Variants in ZNF473 observed in about 807,000 individuals in gnomAD.
ZNF473 encodes the protein zinc finger protein 473.
In ZNF473, 4 loss-of-function variants were observed where a neutral mutation model predicts 11.1. The observed-to-expected ratio is 0.36, with a 90% CI of 0.18 to 0.82. ZNF473 has a LOEUF of 0.82. Among genes scored for constraint, ZNF473 ranks in the 40% least tolerant of loss-of-function variants. ZNF473 has a pLI of 0.49. For synonymous variants in ZNF473, 404 were observed against 390.4 expected (o/e 1.03, Z -0.41); for missense variants, 854 against 1,084.0 (o/e 0.79, Z 2.98).
intron 3 of ZNF473, 135 bp from the exon 4 acceptor site, chr19:50,041,595 C>A: frequency 1.5e-6 from 1 of 683,826 alleles, no homozygotes; most frequent in Non-Finnish European, 2.4e-6. Context: ...TCGCCCAGTG[C>A]AGCACCTCGT....
chr19:50,045,722 G>C lies in ZNF473; in HGVS notation c.1279G>C (p.Gly427Arg), dbSNP rs777041627. The stretch of plus-strand genomic sequence containing the variant: ...AAAGATCCATCAGAGGGTTCACAGT[G>C]GAGAGAAGCCTTACAAATGCAGTGA... The part of the protein sequence containing the change: ...TLKIHQRVHS[G>R]EKPYKCSECG... Residue 427 changes from glycine to arginine, a missense_variant, in exon 5 of 5, where the codon GGA (glycine) becomes CGA (arginine). Gly to Arg is a moderately radical substitution (Grantham distance 125, BLOSUM62 -2). Transcript: ENST00000270617. The C allele has an allele frequency of 1.9e-6, 3 of 1,613,994 alleles. No individual in the cohort carries two copies. Among genetic ancestry groups the C allele is most frequent in the Non-Finnish European group, 2.5e-6 (3 of 1,180,020 alleles).
rs1474135281 is a variant in ZNF473, at chr19:50,046,314, A to C, written c.1871A>C (p.Gln624Pro). The part of the protein sequence containing the change: ...SRVRLYKWGE[Q>P]GKAISSASLI... ...GTGAGGCTGTATAAATGGGGTGAGC[A>C]AGGGAAAGCCATCAGCAGTGCCTCC... Residue 624 changes from glutamine (Q) to proline (P), a missense_variant, in exon 5 of 5, where the codon CAA becomes CCA. By Grantham distance (76) the Gln-to-Pro change is moderately conservative (BLOSUM62 -1). Around this residue, in one of 2 missense-constraint regions of ZNF473, gnomAD observed 668 missense variants for 790.2 expected, o/e 0.85. Transcript: ENST00000270617. The surrounding 1 kb of genome is among the most constrained non-coding windows in gnomAD (Gnocchi z 5.9). 6.2e-7 allele frequency: 1 copy of C among 1,614,076 alleles called. No homozygotes were observed. Among genetic ancestry groups the C allele is most frequent in the African/African-American group, 1.3e-5 (1 of 74,926 alleles).
At chr19:50,032,979 C>G (rs1465724317) in intron 2 of ZNF473, among the ~76,000 whole-genome samples, 1 of 152,186 alleles carries the variant, frequency 6.6e-6, no homozygotes, top group Non-Finnish European at 1.5e-5. Context: ...AGGACCCACC[C>G]TGATGACCTC....
chr19:50,034,002 TTGTG>T (rs1448806303), intron 2 of ZNF473, among the ~76,000 whole-genome samples: 8 of 152,184 alleles, frequency 5.3e-5, no homozygotes, highest in Non-Finnish European at 1.0e-4. Context: ...AGGGACATCT[TTGTG>T]TGGGGTGGCG....
Position 50,030,912 on chromosome 19 carries a change from G to A in ZNF473, c.-171G>A. 2.3e-6 allele frequency: 2 copies of A among 887,456 alleles called. No homozygotes were observed. The highest frequency in any genetic ancestry group is 1.8e-6 in the Non-Finnish European group (1 of 559,588). The allele number at this position is 887,456 out of a possible 1,614,324, so 55.0% of individuals were successfully genotyped here. ...TGCAGGGAGACTCACATTGGGACTT[G>A]TCCTCCTCCTCCTGGACATTTTGGG... On this transcript the variant is annotated 5_prime_UTR_variant, in exon 2 of 5. Transcript: ENST00000270617.
chr19:50,041,623 G>T (rs540382077), intron 3 of ZNF473, 107 bp from the exon 4 acceptor site: 2 of 953,014 alleles, frequency 2.1e-6, no homozygotes, highest in Non-Finnish European at 3.1e-6. Context: ...CAGGAGCCAC[G>T]TGCAGGATAA....
intron 2 of ZNF473, among the ~76,000 whole-genome samples, chr19:50,037,597 A>G (rs10402816): frequency 0.058 from 8,802 of 151,712 alleles, 857 homozygotes; most frequent in African/African-American, 0.2. Flanking sequence ...GGGGCAGGAG[A>G]ATCACTTGAG....
chr19:50,046,022 G>A lies in ZNF473; in HGVS notation c.1579G>A (p.Gly527Ser), dbSNP rs200000077. The A allele has an allele frequency of 6.4e-5, 104 of 1,614,018 alleles. No individual in the cohort carries two copies. Among genetic ancestry groups the A allele is most frequent in the Non-Finnish European group, 8.6e-5 (101 of 1,180,038 alleles). The change falls in exon 5 of 5, where the codon GGC (glycine) becomes AGC (serine). Residue 527 changes from glycine (G) to serine (S), a missense_variant. This residue lies in a region of ZNF473 where 668 missense variants were observed against 790.2 expected (regional missense o/e 0.85). Transcript: ENST00000270617. The surrounding 1 kb of genome is among the most constrained non-coding windows in gnomAD (Gnocchi z 5.9). ...CQECGERFIC[G>S]STLKCHESVH... is the part of the protein sequence containing the mutation. ...GGAGTGCGGAGAACGCTTCATTTGC[G>A]GCTCAACCCTGAAGTGCCACGAGAG...
At position 50,037,168 on chromosome 19, in the gene ZNF473, C is replaced by T. The variant is rs150076975; in HGVS notation, c.10-1993C>T. ...GAATTGCCCCTTTGTCGAGCTCTTC[C>T]TGTGTGCTAAGTACTATGCAGTCAC... On this transcript the variant is annotated intron_variant, in intron 2 of 4. Transcript: ENST00000270617. Among the ~76,000 whole-genome samples the T allele has an allele frequency of 4.0e-3, 615 of 152,296 alleles. 3 individuals carry two copies. The highest frequency in any genetic ancestry group is 0.013 in the African/African-American group (536 of 41,540).
chr19:50,038,797 C>A (rs979835927), intron 2 of ZNF473, among the ~76,000 whole-genome samples: 8 of 152,154 alleles, frequency 5.3e-5, no homozygotes, highest in African/African-American at 1.7e-4. Context: ...GTGATGAGTT[C>A]ATGGGTGTTA....
At position 50,039,412 on chromosome 19, in the gene ZNF473, C is replaced by G; in HGVS notation, c.136+125C>G. On this transcript the variant is annotated intron_variant, in intron 3 of 4. Coordinates refer to ENST00000270617, the MANE Select transcript of ZNF473 (RefSeq NM_015428.4). The surrounding 1 kb of genome is among the most constrained non-coding windows in gnomAD (Gnocchi z 4.8). ...TCAGAATCAGCATGACCTAGCCCAG[C>G]AGTTCTCAGCTGGCCGAGGAGACAT... is the stretch of plus-strand genomic sequence containing the variant. 1 of 1,284,564 alleles carries G rather than the reference C, an allele frequency of 7.8e-7. No homozygotes were observed. 79.6% of individuals were successfully genotyped at this position (1,284,564 alleles called of 1,614,324 possible).
chr19:50,026,472 AC>A (rs1011617005), intron 1 of ZNF473, among the ~76,000 whole-genome samples: 1 of 150,882 alleles, frequency 6.6e-6, no homozygotes, highest in African/African-American at 2.4e-5. Context: ...AATCGCTTGA[AC>A]CCAGGAGCTG....
chr19:50,039,187 C>T lies in ZNF473; in HGVS notation c.36C>T (p.Gly12=). The change falls in exon 3 of 5, where the codon GGC becomes GGT. Residue 12 remains glycine, a synonymous_variant. Coordinates refer to ENST00000270617, the MANE Select transcript of ZNF473 (RefSeq NM_015428.4). The surrounding 1 kb of genome is among the most constrained non-coding windows in gnomAD (Gnocchi z 4.8). ...AEEFVTLKDV[G]MDFTLGDWEQ... is the part of the protein sequence containing the mutation. ...AATTTGTGACCCTCAAGGATGTCGG[C>T]ATGGACTTCACCTTGGGAGACTGGG... is the stretch of plus-strand genomic sequence containing the variant. 1.2e-6 allele frequency: 2 copies of T among 1,614,168 alleles called. No individual in the cohort carries two copies. The highest frequency in any genetic ancestry group is 1.1e-5 in the South Asian group (1 of 91,084).
Position 50,031,037 on chromosome 19 carries a change from G to A in ZNF473, c.-46G>A, listed in dbSNP as rs766103263. On this transcript the variant is annotated 5_prime_UTR_variant, in exon 2 of 5. Transcript: ENST00000270617. ...AGCCCTGCCAGCCGGGAACACGGAGGGGAAGGAGGAGGAGCTTAAAAGAGG... is the reference window on the plus strand; with the variant it reads ...AGCCCTGCCAGCCGGGAACACGGAGAGGAAGGAGGAGGAGCTTAAAAGAGG... The A allele has an allele frequency of 2.8e-5, 43 of 1,558,598 alleles. 1 individual carries two copies. The highest frequency in any genetic ancestry group is 3.7e-5 in the Non-Finnish European group (43 of 1,151,030).
chr19:50,037,148 G>A (rs1457755500), intron 2 of ZNF473, among the ~76,000 whole-genome samples: 1 of 152,138 alleles, frequency 6.6e-6, no homozygotes, highest in Admixed American at 6.5e-5. Flanking sequence ...GAGTGGAATT[G>A]CCCCTTTGTC....
Position 50,045,999 on chromosome 19 carries a change from A to C in ZNF473, c.1556A>C (p.Glu519Ala). The C allele has an allele frequency of 6.2e-7, 1 of 1,614,224 alleles. No homozygotes were observed. Among genetic ancestry groups the C allele is most frequent in the Non-Finnish European group, 8.5e-7 (1 of 1,180,034 alleles). Residue 519 changes from glutamate (E) to alanine (A), a missense_variant, in exon 5 of 5, where the codon GAG (glutamate) becomes GCG (alanine). By Grantham distance (107) the Glu-to-Ala change is moderately radical. Coordinates refer to ENST00000270617, the MANE Select transcript of ZNF473 (RefSeq NM_015428.4). ...HTVKTPYECQ[E>A]CGERFICGST... The stretch of plus-strand genomic sequence containing the variant: ...GTCAAAACCCCATATGAATGTCAGG[A>C]GTGCGGAGAACGCTTCATTTGCGGC...
chr19:50,030,915 C>T lies in ZNF473; in HGVS notation c.-168C>T, dbSNP rs1018581931. ...AGGGAGACTCACATTGGGACTTGTC[C>T]TCCTCCTCCTGGACATTTTGGGGGC... is the stretch of plus-strand genomic sequence containing the variant. On this transcript the variant is annotated 5_prime_UTR_variant, in exon 2 of 5. Transcript: ENST00000270617. The T allele has an allele frequency of 3.3e-5, 30 of 915,012 alleles. No individual in the cohort carries two copies. The highest frequency in any genetic ancestry group is 1.7e-6 in the Non-Finnish European group (1 of 584,784). The allele number at this position is 915,012 out of a possible 1,614,324, so 56.7% of individuals were successfully genotyped here.
intron 3 of ZNF473, 47 bp from the exon 4 acceptor site, chr19:50,041,683 G>A (rs756543926): frequency 2.0e-6 from 3 of 1,510,036 alleles, no homozygotes; most frequent in East Asian, 2.3e-5. Context: ...GTGTCTGGAT[G>A]GTCCTCCATG....
rs909218269 is a variant in ZNF473 at position 50,039,378 on chromosome 19, C to G, written c.136+91C>G. 2.6e-6 allele frequency: 4 copies of G among 1,530,260 alleles called. No individual in the cohort carries two copies. The African/African-American group carries it at 5.5e-5, about 21-fold the overall frequency. The allele number at this position is 1,530,260 out of a possible 1,614,324, so 94.8% of individuals were successfully genotyped here. On this transcript the variant is annotated intron_variant, in intron 3 of 4. Transcript: ENST00000270617. The surrounding 1 kb of genome is among the most constrained non-coding windows in gnomAD (Gnocchi z 4.8). ...CACCCACAGGGTGAAGTCCTGGCTC[C>G]TGGGCTCCTCAGAATCAGCATGACC...
Sources: allele counts gnomAD v4.1 joint callset (sites outside exome capture counted in the v4.1 genomes callset), GRCh38; gene constraint gnomAD v4.1.1; regional missense constraint gnomAD v4.1.1; non-coding constraint Gnocchi (gnomAD v3.1); transcripts MANE v1.5; gene names NCBI Gene and HGNC (gene_info 2026-07-23, HGNC 2026-07-21).